The following RPUSD2 variants were observed in gnomAD, a reference collection of about 807,000 sequenced individuals.
RPUSD2 encodes the protein pseudouridylate synthase RPUSD2.
Under a neutral mutation model 41.5 loss-of-function variants are expected in RPUSD2, and 31 were observed. The observed-to-expected ratio is 0.75, with a 90% CI of 0.56 to 1.01. The LOEUF (loss-of-function observed/expected upper bound fraction) is 1.01, where lower values mean the gene tolerates loss of function less well. Ranked by LOEUF, RPUSD2 falls within the 50% of genes least tolerant of loss-of-function variation. The pLI, the probability that RPUSD2 is intolerant of heterozygous loss-of-function variation, is 0.00. For missense variants in RPUSD2, 749 were observed against 724.7 expected (o/e 1.03, Z -0.38); for synonymous variants, 305 against 289.7 (o/e 1.05, Z -0.54).
chr15:40,569,797 A>G lies in RPUSD2; in HGVS notation c.460A>G (p.Lys154Glu). The G allele has an allele frequency of 1.9e-6, 3 of 1,613,262 alleles. No individual in the cohort carries two copies. The highest frequency in any genetic ancestry group is 2.5e-6 in the Non-Finnish European group (3 of 1,179,712). Residue 154 changes from lysine (K) to glutamate (E), a missense_variant, in exon 1 of 3, where the codon AAA becomes GAA. Lys to Glu is a moderately conservative substitution (Grantham distance 56). Coordinates refer to ENST00000315616, the MANE Select transcript of RPUSD2 (RefSeq NM_152260.3). ...TTACTTTGACTTCCGGACCTACTGC[A>G]AAGGTCGCTGGGTGGGCCACAGCTT... is the stretch of plus-strand genomic sequence containing the variant. Reference protein sequence around the residue: ...PYYFDFRTYCKGRWVGHSLLH... With the variant: ...PYYFDFRTYCEGRWVGHSLLH...
intron 2 of RPUSD2, among the ~76,000 whole-genome samples, chr15:40,572,476 G>C (rs1891164152): frequency 6.6e-6 from 1 of 151,570 alleles, no homozygotes; most frequent in South Asian, 2.1e-4. Context: ...TGAGGCAGGA[G>C]AATGGTGTGA....
rs1348834796 is a variant in RPUSD2, at chr15:40,571,762, C to T, written c.765C>T (p.Ile255=). The T allele has an allele frequency of 6.2e-7, 1 of 1,614,142 alleles. No homozygotes were observed. Among genetic ancestry groups the T allele is most frequent in the Non-Finnish European group, 8.5e-7 (1 of 1,180,052 alleles). The part of the protein sequence containing the change: ...PCGRFRHNTV[I]FILGKEHQLK... ...GCCGCTTCCGACACAACACAGTTAT[C>T]TTCATCCTAGGCAAGGAGCACCAAC... Residue 255 remains isoleucine, a synonymous_variant, in exon 2 of 3, where the codon ATC becomes ATT. Transcript: ENST00000315616.
chr15:40,569,904 C>G lies in RPUSD2; in HGVS notation c.567C>G (p.Leu189=). ...CGGTCCGGGCGGGCCGCCTGCAACT[C>G]AACGAGAAGCCGGTGCAGGACCTCA... ...EAAVRAGRLQ[L]NEKPVQDLNI... The change falls in exon 1 of 3, where the codon CTC becomes CTG. Residue 189 remains leucine (L), a synonymous_variant. Transcript: ENST00000315616. The G allele has an allele frequency of 6.4e-7, 1 of 1,567,858 alleles. No individual in the cohort carries two copies. Among genetic ancestry groups the G allele is most frequent in the Admixed American group, 1.9e-5 (1 of 52,828 alleles).
chr15:40,570,529 A>T (rs1038168758), intron 1 of RPUSD2, among the ~76,000 whole-genome samples: 2 of 152,198 alleles, frequency 1.3e-5, no homozygotes, highest in Admixed American at 1.3e-4. Context: ...TCAGGGATAG[A>T]GACTAGAATT....
Position 40,574,179 on chromosome 15 carries a change from A to G in RPUSD2, c.1556A>G (p.His519Arg), listed in dbSNP as rs1891207537. 2 of 1,614,074 alleles carry G rather than the reference A, an allele frequency of 1.2e-6. No homozygotes were observed. The highest frequency in any genetic ancestry group is 1.7e-6 in the Non-Finnish European group (2 of 1,180,014). Residue 519 changes from histidine to arginine, a missense_variant, in exon 3 of 3, where the codon CAT becomes CGT. Physicochemically the swap from His to Arg is conservative, Grantham distance 29 (BLOSUM62 0). Transcript: ENST00000315616. Reference sequence around the variant, plus strand: ...CCCCAAGACCTTGTGATGTTCCTACATGCCCTACGCTATAAAGGGCCAGGC... The same window carrying G: ...CCCCAAGACCTTGTGATGTTCCTACGTGCCCTACGCTATAAAGGGCCAGGC... ...PLPQDLVMFL[H>R]ALRYKGPGFE...
At chr15:40,570,646 A>G (rs2141672771) in intron 1 of RPUSD2, among the ~76,000 whole-genome samples, 1 of 152,344 alleles carries the variant, frequency 6.6e-6, no homozygotes, top group East Asian at 1.9e-4. Context: ...CTAGTTTACC[A>G]TGGTTGTGAG....
Position 40,571,846 on chromosome 15 carries a change from T to C in RPUSD2, c.849T>C (p.Phe283=), listed in dbSNP as rs1162091012. The change falls in exon 2 of 3, where the codon TTT becomes TTC. Residue 283 remains phenylalanine (F), a synonymous_variant. Coordinates refer to ENST00000315616, the MANE Select transcript of RPUSD2 (RefSeq NM_152260.3). The part of the protein sequence containing the change: ...LDRLTSGVLM[F]AKTAAVSERI... Reference sequence around the variant, plus strand: ...GCCTTACCTCAGGGGTGCTTATGTTTGCCAAGACAGCTGCAGTCTCTGAGA... The same window carrying C: ...GCCTTACCTCAGGGGTGCTTATGTTCGCCAAGACAGCTGCAGTCTCTGAGA... The C allele has an allele frequency of 6.2e-7, 1 of 1,614,196 alleles. No individual in the cohort carries two copies. The highest frequency in any genetic ancestry group is 1.6e-4 in the Middle Eastern group (1 of 6,062).
rs1043871480 is a variant in RPUSD2 at position 40,574,016 on chromosome 15, G to A, written c.1393G>A (p.Glu465Lys). The A allele has an allele frequency of 3.1e-6, 5 of 1,614,016 alleles. No individual in the cohort carries two copies. Among genetic ancestry groups the A allele is most frequent in the South Asian group, 1.1e-5 (1 of 91,078 alleles). Residue 465 changes from glutamate (E) to lysine (K), a missense_variant, in exon 3 of 3, where the codon GAG becomes AAG. By Grantham distance (56) the Glu-to-Lys change is moderately conservative. Coordinates refer to ENST00000315616, the MANE Select transcript of RPUSD2 (RefSeq NM_152260.3). ...GTTGGCTGCAGCTGCCCAGAAGATG[G>A]AGGAAGTAGCTGAGGCAGCCCCTCA... ...EELAAAAQKM[E>K]EVAEAAPQEL...
rs1301609248 is a variant in RPUSD2, at chr15:40,571,813, G to C, written c.816G>C (p.Arg272=). 2 of 1,614,222 alleles carry C rather than the reference G, an allele frequency of 1.2e-6. No homozygotes were observed. Among genetic ancestry groups the C allele is most frequent in the Non-Finnish European group, 1.7e-6 (2 of 1,180,034 alleles). The change falls in exon 2 of 3, where the codon CGG becomes CGC. Residue 272 remains arginine, a synonymous_variant. Transcript: ENST00000315616. ...TCAAGGAGCTACACCCCTTGCATCGGCTTGACCGCCTTACCTCAGGGGTGC... is the reference window on the plus strand; with the variant it reads ...TCAAGGAGCTACACCCCTTGCATCGCCTTGACCGCCTTACCTCAGGGGTGC... ...HQLKELHPLH[R]LDRLTSGVLM... is the part of the protein sequence containing the mutation.
chr15:40,570,920 G>A (rs149086900), intron 1 of RPUSD2, among the ~76,000 whole-genome samples: 36 of 151,974 alleles, frequency 2.4e-4, no homozygotes, highest in African/African-American at 7.2e-4. Context: ...CCTTAGTTTT[G>A]TTTGTTCAAG....
intron 1 of RPUSD2, among the ~76,000 whole-genome samples, chr15:40,570,432 C>G (rs1211386700): frequency 6.6e-6 from 1 of 152,168 alleles, no homozygotes; most frequent in Non-Finnish European, 1.5e-5. Flanking sequence ...AGGAAACTCA[C>G]AGGGGTAAGG....
In RPUSD2 at chr15:40,569,960, G is replaced by C. The variant is rs555928843; in HGVS notation, c.606+17G>C. ...GTGCTCAAGGTGGAGTCCTGATGGG[G>C]CTGGCCAGAAGCGGGCGAGGAAAAG... is the stretch of plus-strand genomic sequence containing the variant. On this transcript the variant is annotated intron_variant, in intron 1 of 2. Transcript: ENST00000315616. 1,191 of 1,512,312 alleles carry C rather than the reference G, an allele frequency of 7.9e-4. No individual in the cohort carries two copies. The highest frequency in any genetic ancestry group is 2.1e-3 in the Middle Eastern group (12 of 5,834). The allele number at this position is 1,512,312 out of a possible 1,614,324, so 93.7% of individuals were successfully genotyped here.
rs1353712093 is a variant in RPUSD2, at chr15:40,572,564, C to CA, written c.903+681dup. Among the ~76,000 whole-genome samples the CA allele has an allele frequency of 6.7e-3, 557 of 83,580 alleles. 2 individuals are homozygous for CA. The highest frequency in any genetic ancestry group is 0.011 in the East Asian group (33 of 3,078). The allele number at this position is 83,580 out of a possible 152,430, so 54.8% of individuals were successfully genotyped here. A position where few individuals can be genotyped will look rare whatever the true frequency, so the allele number is the denominator to read the frequency against. On this transcript the variant is annotated intron_variant, in intron 2 of 2. Transcript: ENST00000315616. The stretch of plus-strand genomic sequence containing the variant: ...TGGGTGACAGAGTGAGACTCTGTCT[C>CA]AAAAAAAAAAAAAAAAACTTACCCT...
chr15:40,571,783 C>A lies in RPUSD2; in HGVS notation c.786C>A (p.His262Gln), dbSNP rs760850531. The A allele has an allele frequency of 6.2e-7, 1 of 1,614,238 alleles. No homozygotes were observed. The highest frequency in any genetic ancestry group is 1.1e-5 in the South Asian group (1 of 91,082). Residue 262 changes from histidine to glutamine, a missense_variant, in exon 2 of 3, where the codon CAC (histidine) becomes CAA (glutamine). Coordinates refer to ENST00000315616, the MANE Select transcript of RPUSD2 (RefSeq NM_152260.3). ...NTVIFILGKE[H>Q]QLKELHPLHR... ...TTATCTTCATCCTAGGCAAGGAGCA[C>A]CAACTCAAGGAGCTACACCCCTTGC...
intron 1 of RPUSD2, among the ~76,000 whole-genome samples, chr15:40,570,603 G>T (rs1173318976): frequency 2.6e-5 from 4 of 152,196 alleles, no homozygotes; most frequent in African/African-American, 4.8e-5. Context: ...AGACACCCCT[G>T]TCAGAAGTAA....
rs1891213725 is a variant in RPUSD2, at chr15:40,574,443, A to G, written c.*182A>G. 6.6e-6 allele frequency: 4 copies of G among 605,240 alleles called. No individual in the cohort carries two copies. The African/African-American group carries it at 7.3e-5, about 11-fold the overall frequency. The allele number at this position is 605,240 out of a possible 1,614,324, so 37.5% of individuals were successfully genotyped here. A position where few individuals can be genotyped will look rare whatever the true frequency, so the allele number is the denominator to read the frequency against. On this transcript the variant is annotated 3_prime_UTR_variant, in exon 3 of 3. Transcript: ENST00000315616. ...TTTGGAGACTTTTTGGTTTGTAAAT[A>G]TATCCCTTTTTCTAACATCTTTGAT...
intron 2 of RPUSD2, among the ~76,000 whole-genome samples, chr15:40,572,448 C>T (rs1891163529): frequency 6.6e-6 from 1 of 152,098 alleles, no homozygotes; most frequent in African/African-American, 2.4e-5. Context: ...CACCTATAGT[C>T]CCAGCTACTC....
At chr15:40,571,150 G>A (rs895476443) in intron 1 of RPUSD2, among the ~76,000 whole-genome samples, 6 of 152,066 alleles carry the variant, frequency 3.9e-5, no homozygotes, top group East Asian at 1.9e-4. Flanking sequence ...GTGCCACCAC[G>A]CCTGCTAATT....
chr15:40,569,700 G>A lies in RPUSD2; in HGVS notation c.363G>A (p.Val121=), dbSNP rs749757751. Residue 121 remains valine (V), a synonymous_variant, in exon 1 of 3, where the codon GTG becomes GTA. Transcript: ENST00000315616. The part of the protein sequence containing the change: ...VPPPKKRRTG[V]SFGDEHFAET... ...CCCCGAAGAAGCGGCGGACCGGGGT[G>A]AGCTTCGGAGATGAGCACTTTGCAG... The A allele has an allele frequency of 1.3e-6, 2 of 1,574,870 alleles. No homozygotes were observed. The highest frequency in any genetic ancestry group is 1.7e-6 in the Non-Finnish European group (2 of 1,158,806).
Sources: gnomAD v4.1 joint callset for allele counts (sites outside exome capture counted in the v4.1 genomes callset) on GRCh38, gnomAD v4.1.1 for gene constraint, MANE v1.5 for transcripts, NCBI Gene and HGNC (gene_info 2026-07-23, HGNC 2026-07-21) for gene names.